Variants in ABHD12B observed in about 807,000 individuals in gnomAD.
ABHD12B encodes abhydrolase domain containing 12B, also known as protein ABHD12B.
A neutral mutation model predicts 50.4 loss-of-function variants in ABHD12B; 42 were observed. The observed-to-expected ratio is 0.83, with a 90% CI of 0.65 to 1.08. The LOEUF (loss-of-function observed/expected upper bound fraction) is 1.08, where lower values mean the gene tolerates loss of function less well. ABHD12B is among the 50% of genes least tolerant of loss of function. ABHD12B has a pLI of 0.00. For synonymous variants in ABHD12B, 167 were observed against 160.3 expected (o/e 1.04, Z -0.32); for missense variants, 479 against 447.7 (o/e 1.07, Z -0.63).
intron 1 of ABHD12B, among the ~76,000 whole-genome samples, chr14:50,876,275 C>T (rs1169416511): frequency 6.6e-6 from 1 of 152,170 alleles, no homozygotes; most frequent in Non-Finnish European, 1.5e-5. Context: ...ACCCTTAGCC[C>T]ACATATCTTT....
chr14:50,879,003 T>C (rs1489071780), intron 3 of ABHD12B, among the ~76,000 whole-genome samples, 156 bp downstream of exon 3: 1 of 152,206 alleles, frequency 6.6e-6, no homozygotes, highest in East Asian at 1.9e-4. Flanking sequence ...GTTGATTTGC[T>C]TGATTTTCCT....
intron 3 of ABHD12B, among the ~76,000 whole-genome samples, chr14:50,879,416 T>C (rs2049909499): frequency 6.6e-6 from 1 of 152,214 alleles, no homozygotes; most frequent in South Asian, 2.1e-4. Context: ...TGATAGACTT[T>C]GTTGGTGGGT....
rs1361004760 is a variant in ABHD12B, at chr14:50,872,312, CCG to C, written c.104+35_104+36del. The C allele has an allele frequency of 2.6e-5, 33 of 1,253,278 alleles. No homozygotes were observed. In the African/African-American group the frequency reaches 4.5e-4, roughly 17 times the overall value. The allele number at this position is 1,253,278 out of a possible 1,614,324, so 77.6% of individuals were successfully genotyped here. On this transcript the variant is annotated intron_variant, in intron 1 of 12. Transcript: ENST00000337334. The stretch of plus-strand genomic sequence containing the variant: ...CGCCCGGTCCACCCCTGGCCGGGCC[CCG>C]ACGGCTCAGGCTGCGCGGGGATGGG...
chr14:50,892,358 G>C (rs766696177), intron 9 of ABHD12B: 71 of 963,950 alleles, frequency 7.4e-5, no homozygotes, highest in Non-Finnish European at 8.3e-5. Context: ...CTGGAAAGGG[G>C]GAAGAGCAGA....
At chr14:50,879,699 C>T (rs1424255958) in intron 3 of ABHD12B, among the ~76,000 whole-genome samples, 1 of 152,200 alleles carries the variant, frequency 6.6e-6, no homozygotes, top group African/African-American at 2.4e-5. Flanking sequence ...ATTTAGAAAT[C>T]TTTTTATTTT....
chr14:50,877,368 T>C (rs1446763739), intron 1 of ABHD12B, among the ~76,000 whole-genome samples: 2 of 152,204 alleles, frequency 1.3e-5, no homozygotes, highest in African/African-American at 4.8e-5. Context: ...TGTTTACTGG[T>C]GACTTTGGGG....
At position 50,872,058 on chromosome 14, in the gene ABHD12B, G is replaced by C; in HGVS notation, c.-117G>C. On this transcript the variant is annotated 5_prime_UTR_variant, in exon 1 of 13. Transcript: ENST00000337334. Reference sequence around the variant, plus strand: ...CGCGTCTCCCCCGCCGTACCAGCCTGCCTGACCGCGCGGAGGAGGAGGGCG... The same window carrying C: ...CGCGTCTCCCCCGCCGTACCAGCCTCCCTGACCGCGCGGAGGAGGAGGGCG... The C allele has an allele frequency of 1.4e-6, 1 of 716,818 alleles. No individual in the cohort carries two copies. The highest frequency in any genetic ancestry group is 4.7e-5 in the Admixed American group (1 of 21,176). The allele number at this position is 716,818 out of a possible 1,614,324, so 44.4% of individuals were successfully genotyped here.
chr14:50,878,063 A>G lies in ABHD12B; in HGVS notation c.216A>G (p.Leu72=). 1.3e-6 allele frequency: 2 copies of G among 1,520,062 alleles called. No individual in the cohort carries two copies. Among genetic ancestry groups the G allele is most frequent in the Non-Finnish European group, 1.8e-6 (2 of 1,142,278 alleles). 94.2% of individuals were successfully genotyped at this position (1,520,062 alleles called of 1,614,324 possible). The part of the protein sequence containing the change: ...EHVFLPLIDM[L]IYFNFFKAPF... Reference sequence around the variant, plus strand: ...TTTTCCTTCCTCTGATAGACATGCTAATTTATTTTAATTTTTGTAAGTATG... The same window carrying G: ...TTTTCCTTCCTCTGATAGACATGCTGATTTATTTTAATTTTTGTAAGTATG... Residue 72 remains leucine, a synonymous_variant, in exon 2 of 13, where the codon CTA becomes CTG. Transcript: ENST00000337334.
At chr14:50,889,665 G>C (rs1392925244) in intron 9 of ABHD12B, among the ~76,000 whole-genome samples, 1 of 152,076 alleles carries the variant, frequency 6.6e-6, no homozygotes, top group Non-Finnish European at 1.5e-5. Flanking sequence ...CTATTGTGTA[G>C]ACTATCCTAA....
chr14:50,889,660 GTGT>G (rs2050091175), intron 9 of ABHD12B, among the ~76,000 whole-genome samples: 1 of 152,058 alleles, frequency 6.6e-6, no homozygotes, highest in Non-Finnish European at 1.5e-5. Flanking sequence ...AAAATCTATT[GTGT>G]AGACTATCCT....
intron 5 of ABHD12B, among the ~76,000 whole-genome samples, chr14:50,884,879 A>G (rs1448214883): frequency 6.6e-6 from 1 of 151,958 alleles, no homozygotes; most frequent in Non-Finnish European, 1.5e-5. Context: ...CACACCCAAC[A>G]ATCATTGTAT....
At chr14:50,885,682 A>G (rs1415976700) in intron 6 of ABHD12B, 23 bp downstream of exon 6, 1 of 1,614,192 alleles carries the variant, frequency 6.2e-7, no homozygotes, top group Admixed American at 1.7e-5. Flanking sequence ...AACGGTGTAC[A>G]AAGATGTTTC....
At chr14:50,874,778 G>A (rs2142714678) in intron 1 of ABHD12B, among the ~76,000 whole-genome samples, 1 of 152,214 alleles carries the variant, frequency 6.6e-6, no homozygotes, top group South Asian at 2.1e-4. Flanking sequence ...TCTTTCCACA[G>A]CGTTGGTTCT....
chr14:50,880,533 C>T lies in ABHD12B; in HGVS notation c.417C>T (p.Asn139=), dbSNP rs1190682724. The T allele has an allele frequency of 3.1e-6, 5 of 1,607,128 alleles. No homozygotes were observed. Among genetic ancestry groups the T allele is most frequent in the Non-Finnish European group, 3.4e-6 (4 of 1,176,336 alleles). Residue 139 remains asparagine, a synonymous_variant, in exon 4 of 13, where the codon AAC becomes AAT. Transcript: ENST00000337334. ...ATGAAGCAGCCCTTCGTGATGGGAA[C>T]CCAATTATTGTTTATCTTCATGGCA... ...CWYEAALRDG[N]PIIVYLHGSA...
intron 5 of ABHD12B, 47 bp downstream of exon 5, chr14:50,881,673 A>T: frequency 6.2e-7 from 1 of 1,606,006 alleles, no homozygotes; most frequent in South Asian, 1.1e-5. Flanking sequence ...AGTCTGTTTG[A>T]TATGTCATAA....
At chr14:50,874,894 T>TA (rs932772898) in intron 1 of ABHD12B, among the ~76,000 whole-genome samples, 5 of 152,068 alleles carry the variant, frequency 3.3e-5, no homozygotes, top group African/African-American at 1.2e-4. Flanking sequence ...CAATTGTAAG[T>TA]AAAAAAAAGA....
At chr14:50,894,898 T>G (rs2142760710) in intron 9 of ABHD12B, among the ~76,000 whole-genome samples, 1 of 148,790 alleles carries the variant, frequency 6.7e-6, no homozygotes, top group East Asian at 1.9e-4. Flanking sequence ...CAGCCTCTGC[T>G]CCTCCACCCT....
Position 50,876,282 on chromosome 14 carries a change from C to A in ABHD12B, c.105-1670C>A, listed in dbSNP as rs1240903865. 2.0e-5 allele frequency among the ~76,000 whole-genome samples: 3 copies of A among 152,330 alleles called. No individual in the cohort carries two copies. In the East Asian group the frequency reaches 5.8e-4, roughly 29 times the overall value. ...TATCCATTACCCTTAGCCCACATAT[C>A]TTTTCCACTTCTTGCAGAACTGCTG... On this transcript the variant is annotated intron_variant, in intron 1 of 12. Transcript: ENST00000337334.
chr14:50,878,047 C>T lies in ABHD12B; in HGVS notation c.200C>T (p.Pro67Leu). The change falls in exon 2 of 13, where the codon CCT becomes CTT. Residue 67 changes from proline to leucine, a missense_variant. Transcript: ENST00000337334. ...SKSLKEHVFL[P>L]LIDMLIYFNF... ...TCCTTAAAAGAACACGTTTTCCTTC[C>T]TCTGATAGACATGCTAATTTATTTT... 6.5e-7 allele frequency: 1 copy of T among 1,531,548 alleles called. No homozygotes were observed. The highest frequency in any genetic ancestry group is 8.7e-7 in the Non-Finnish European group (1 of 1,145,428). The allele number at this position is 1,531,548 out of a possible 1,614,324, so 94.9% of individuals were successfully genotyped here. A position where few individuals can be genotyped will look rare whatever the true frequency, so the allele number is the denominator to read the frequency against.
Sources: gnomAD v4.1 joint callset for allele counts (sites outside exome capture counted in the v4.1 genomes callset) on GRCh38, gnomAD v4.1.1 for gene constraint, MANE v1.5 for transcripts, NCBI Gene and HGNC (gene_info 2026-07-23, HGNC 2026-07-21) for gene names.